The following FGF14 variants were observed in gnomAD, a reference collection of about 807,000 sequenced individuals.
FGF14 encodes the protein fibroblast growth factor 14.
FGF14 carries 5 observed loss-of-function variants against 25.5 expected under a neutral mutation model. That is an observed-to-expected ratio of 0.20 (90% CI 0.10 to 0.41). The LOEUF (loss-of-function observed/expected upper bound fraction) is 0.41, where lower values mean the gene tolerates loss of function less well. Among genes scored for constraint, FGF14 ranks in the 10% least tolerant of loss-of-function variants. The pLI, the probability that FGF14 is intolerant of heterozygous loss-of-function variation, is 1.00. For missense variants in FGF14, 222 were observed against 320.1 expected (o/e 0.69, Z 2.34); for synonymous variants, 138 against 118.3 (o/e 1.17, Z -1.08).
intron 1 of FGF14, among the ~76,000 whole-genome samples, chr13:102,007,534 G>A (rs1232330313): frequency 6.6e-6 from 1 of 152,236 alleles, no homozygotes; most frequent in Non-Finnish European, 1.5e-5. Context: ...CATGAATCAA[G>A]ACTGGCTAGG....
chr13:102,299,069 A>G (rs1438272047), intron 1 of FGF14, among the ~76,000 whole-genome samples: 1 of 152,168 alleles, frequency 6.6e-6, no homozygotes, highest in African/African-American at 2.4e-5. Context: ...TGATGGTGAT[A>G]AAGCAGATTT....
At chr13:102,242,368 T>C (rs2051644520) in intron 1 of FGF14, among the ~76,000 whole-genome samples, 1 of 151,954 alleles carries the variant, frequency 6.6e-6, no homozygotes, top group South Asian at 2.1e-4. Context: ...ATTCCTGAGA[T>C]TGGGTAATTT....
At chr13:101,783,756 A>G (rs560292673) in intron 3 of FGF14, among the ~76,000 whole-genome samples, 37 of 152,180 alleles carry the variant, frequency 2.4e-4, no homozygotes, top group South Asian at 8.3e-4. Context: ...GCCTTTGTTG[A>G]CATTGCCCTA....
At chr13:101,735,670 G>GAA (rs548510485) in intron 3 of FGF14, among the ~76,000 whole-genome samples, 86 of 127,902 alleles carry the variant, frequency 6.7e-4, no homozygotes, top group African/African-American at 1.2e-3. Context: ...ATCCCCATAG[G>GAA]AAAAAAAAAA....
chr13:101,773,726 C>A (rs2038921746), intron 3 of FGF14, among the ~76,000 whole-genome samples: 1 of 151,366 alleles, frequency 6.6e-6, no homozygotes, highest in Non-Finnish European at 1.5e-5. Flanking sequence ...TTTCATGAAT[C>A]CAAGTGCAGT....
At chr13:101,880,515 T>G (rs573424145) in intron 1 of FGF14, among the ~76,000 whole-genome samples, 3 of 152,276 alleles carry the variant, frequency 2.0e-5, no homozygotes, top group African/African-American at 7.2e-5. Context: ...TGTGGTGAGC[T>G]GAGCGCACCA....
At chr13:101,935,664 G>T (rs912824214) in intron 1 of FGF14, among the ~76,000 whole-genome samples, 1 of 152,132 alleles carries the variant, frequency 6.6e-6, no homozygotes, top group Non-Finnish European at 1.5e-5. Context: ...GCGGAACCAT[G>T]AGTCAATTAA....
chr13:101,804,168 C>T (rs1229769692), intron 3 of FGF14, among the ~76,000 whole-genome samples: 2 of 152,054 alleles, frequency 1.3e-5, no homozygotes, highest in Non-Finnish European at 2.9e-5. Flanking sequence ...ATGCGATGAG[C>T]ATTTAACAAC....
intron 1 of FGF14, chr13:102,373,448 A>G (rs1039773233): frequency 9.2e-5 from 14 of 152,188 alleles, no homozygotes; most frequent in African/African-American, 3.1e-4. Context: ...AATGACCATA[A>G]TAACTCCAAG....
At chr13:101,969,559 C>G (rs1409991521) in intron 1 of FGF14, among the ~76,000 whole-genome samples, 2 of 152,026 alleles carry the variant, frequency 1.3e-5, no homozygotes, top group Admixed American at 6.5e-5. Context: ...TTTGTGAAAC[C>G]CTAATCAATA....
intron 1 of FGF14, among the ~76,000 whole-genome samples, chr13:102,278,176 T>C (rs544260572): frequency 5.8e-4 from 88 of 152,320 alleles, no homozygotes; most frequent in African/African-American, 2.1e-3. Context: ...CTCATATCCA[T>C]AGCCCATTAA....
chr13:102,359,261 C>G (rs1434646993), intron 1 of FGF14, among the ~76,000 whole-genome samples: 1 of 152,156 alleles, frequency 6.6e-6, no homozygotes, highest in African/African-American at 2.4e-5. Context: ...AGCAAACCAC[C>G]ATGGCACACA....
At chr13:102,399,110 G>C (rs905802979) in intron 1 of FGF14, among the ~76,000 whole-genome samples, 4 of 152,048 alleles carry the variant, frequency 2.6e-5, no homozygotes, top group African/African-American at 9.7e-5. Flanking sequence ...TTCCAAAAAT[G>C]CCTTGGAAGG....
chr13:101,898,970 CA>C (rs2031142496), intron 1 of FGF14, among the ~76,000 whole-genome samples: 1 of 152,078 alleles, frequency 6.6e-6, no homozygotes, highest in African/African-American at 2.4e-5. Flanking sequence ...AGAATCAGAG[CA>C]AAGCTTTTGG....
rs2034971337 is a variant in FGF14, at chr13:101,721,381, A to G, written c.*1450T>C. The G allele has an allele frequency of 1.3e-5, 2 of 151,494 alleles. No individual in the cohort carries two copies. Among genetic ancestry groups the G allele is most frequent in the African/African-American group, 4.9e-5 (2 of 40,892 alleles). The allele number at this position is 151,494 out of a possible 1,614,324, so 9.4% of individuals were successfully genotyped here. A position where few individuals can be genotyped will look rare whatever the true frequency, so the allele number is the denominator to read the frequency against. On this transcript the variant is annotated 3_prime_UTR_variant, in exon 5 of 5. Coordinates refer to ENST00000376143, the MANE Select transcript of FGF14 (RefSeq NM_004115.4). ...AACTAAAAAGGAAATTAAGAATGCA[A>G]AATAAAAGAAAATAAATGGAATGGA...
At chr13:102,401,375 C>A in intron 1 of FGF14, 1 of 1,167,274 alleles carries the variant, frequency 8.6e-7, no homozygotes. Flanking sequence ...GTATGTTTCC[C>A]CTGCCTTCCT....
At position 102,400,980 on chromosome 13, in the gene FGF14, G is replaced by A. The variant is rs1595065895; in HGVS notation, c.208+491C>T. On this transcript the variant is annotated intron_variant, in intron 1 of 4. Transcript: ENST00000376131. This position sits in a 1 kb window ranked among gnomAD's most constrained non-coding sequence, Gnocchi z 4.3. ...ACGGAGGAGCGGGGCCGCGAGGGAGGGGGCCTCTTTTACTTTGGTAAAGGT... is the reference window on the plus strand; with the variant it reads ...ACGGAGGAGCGGGGCCGCGAGGGAGAGGGCCTCTTTTACTTTGGTAAAGGT... Among the ~76,000 whole-genome samples, 1 of 151,868 alleles carries A rather than the reference G, an allele frequency of 6.6e-6. No homozygotes were observed. Among genetic ancestry groups the A allele is most frequent in the Non-Finnish European group, 1.5e-5 (1 of 67,978 alleles).
chr13:101,836,291 A>G (rs1316993287), intron 3 of FGF14, among the ~76,000 whole-genome samples: 1 of 152,164 alleles, frequency 6.6e-6, no homozygotes, highest in East Asian at 1.9e-4. Flanking sequence ...GTATGCTCTC[A>G]TTTTCCTCCC....
At chr13:102,380,022 T>C (rs1401620693) in intron 1 of FGF14, among the ~76,000 whole-genome samples, 1 of 152,166 alleles carries the variant, frequency 6.6e-6, no homozygotes, top group African/African-American at 2.4e-5. Context: ...TTTAATACTC[T>C]CTGAATTTAA....
Sources: allele counts gnomAD v4.1 joint callset (sites outside exome capture counted in the v4.1 genomes callset), GRCh38; gene constraint gnomAD v4.1.1; non-coding constraint Gnocchi (gnomAD v3.1); transcripts MANE v1.5; gene names NCBI Gene and HGNC (gene_info 2026-07-23, HGNC 2026-07-21).